The following EML5 variants were observed in gnomAD, a reference collection of about 807,000 sequenced individuals.
EML5 encodes echinoderm microtubule-associated protein-like 5.
EML5 carries 120 observed loss-of-function variants against 250.0 expected under a neutral mutation model. The observed-to-expected ratio is 0.48, with a 90% CI of 0.41 to 0.56. The LOEUF (loss-of-function observed/expected upper bound fraction) is 0.56. EML5 is among the 20% of genes least tolerant of loss of function. The pLI is 0.00. For missense variants in EML5, 2,006 were observed against 2,437.6 expected, an observed-to-expected ratio of 0.82 and a Z score of 3.73; for synonymous variants, 771 against 806.5, an observed-to-expected ratio of 0.96 and a Z score of 0.75.
At chr14:88,756,068 AAG>A (rs1359532516) in intron 1 of EML5, among the ~76,000 whole-genome samples, 1 of 152,072 alleles carries the variant, frequency 6.6e-6, no homozygotes, top group Non-Finnish European at 1.5e-5. Context: ...GGACAAGGGG[AAG>A]AGAGGGGTCT....
chr14:88,776,607 A>G (rs1236072997), intron 1 of EML5, among the ~76,000 whole-genome samples: 1 of 152,052 alleles, frequency 6.6e-6, no homozygotes, highest in Non-Finnish European at 1.5e-5. Flanking sequence ...TGGGTCGGGC[A>G]TGGTGGCTCA....
chr14:88,691,574 AC>A (rs1452808861), intron 17 of EML5, among the ~76,000 whole-genome samples: 1 of 152,136 alleles, frequency 6.6e-6, no homozygotes, highest in East Asian at 1.9e-4. Flanking sequence ...CTCTGTCCCT[AC>A]CATGAATAGA....
At chr14:88,758,142 C>A (rs1332067722) in intron 1 of EML5, among the ~76,000 whole-genome samples, 6 of 151,506 alleles carry the variant, frequency 4.0e-5, no homozygotes. Flanking sequence ...CAGGCATGAG[C>A]CACTGCTCCC....
chr14:88,788,857 G>A (rs2094576744), intron 1 of EML5, among the ~76,000 whole-genome samples: 1 of 149,444 alleles, frequency 6.7e-6, no homozygotes, highest in African/African-American at 2.5e-5. Flanking sequence ...CAGGAGTCCA[G>A]CACACCAGCC....
chr14:88,613,841 CAT>C lies in EML5; in HGVS notation c.*1975_*1976del, dbSNP rs747392137. 1.3e-5 allele frequency: 2 copies of C among 152,146 alleles called. No individual in the cohort carries two copies. The highest frequency in any genetic ancestry group is 2.9e-5 in the Non-Finnish European group (2 of 68,026). The allele number at this position is 152,146 out of a possible 1,614,324, so 9.4% of individuals were successfully genotyped here. ...TAATTATCTGGGTTAAAAAAGTAAACATAGGGCAGATTCTATATGGCCTATCA... is the reference window on the plus strand; with the variant it reads ...TAATTATCTGGGTTAAAAAAGTAAACAGGGCAGATTCTATATGGCCTATCA... On this transcript the variant is annotated 3_prime_UTR_variant, in exon 44 of 44. Transcript: ENST00000554922.
At chr14:88,790,781 G>A (rs1013890306) in intron 1 of EML5, among the ~76,000 whole-genome samples, 13 of 152,138 alleles carry the variant, frequency 8.5e-5, no homozygotes, top group Non-Finnish European at 1.6e-4. Flanking sequence ...TAGGGAAAAA[G>A]ACAAGACACT....
intron 1 of EML5, among the ~76,000 whole-genome samples, chr14:88,785,521 C>T (rs534424457): frequency 9.9e-5 from 15 of 152,258 alleles, no homozygotes; most frequent in Admixed American, 6.5e-4. Context: ...GTTGATCTTT[C>T]CTTCTGTCCA....
intron 7 of EML5, among the ~76,000 whole-genome samples, chr14:88,728,190 C>T (rs146813406): frequency 8.1e-6 from 1 of 123,132 alleles, no homozygotes; most frequent in African/African-American, 3.6e-5. Flanking sequence ...CTGTACTGAA[C>T]ATGTACAGAC....
chr14:88,670,683 A>G (rs764068026), intron 21 of EML5, among the ~76,000 whole-genome samples: 6 of 152,216 alleles, frequency 3.9e-5, no homozygotes, highest in Non-Finnish European at 7.3e-5. Flanking sequence ...AAAACATTAC[A>G]GGAGCTGTTA....
At chr14:88,762,007 T>A (rs994964142) in intron 1 of EML5, among the ~76,000 whole-genome samples, 1 of 152,214 alleles carries the variant, frequency 6.6e-6, no homozygotes, top group Non-Finnish European at 1.5e-5. Flanking sequence ...AAGTGTCAGT[T>A]CATATCCTTA....
In EML5 at chr14:88,658,946, T is replaced by C. The variant is rs543479426; in HGVS notation, c.3676-558A>G. On this transcript the variant is annotated intron_variant, in intron 25 of 43. Coordinates refer to ENST00000554922, the MANE Select transcript of EML5 (RefSeq NM_183387.3). ...TATGTTAACAAAAAGTAACTATCGA[T>C]TGATTGCTTTGGTACACATATATTT... Among the ~76,000 whole-genome samples, 9 of 152,314 alleles carry C rather than the reference T, an allele frequency of 5.9e-5. No individual in the cohort carries two copies. In the East Asian group the frequency reaches 9.6e-4, roughly 16 times the overall value.
intron 17 of EML5, among the ~76,000 whole-genome samples, chr14:88,694,096 T>C (rs1038544970): frequency 2.0e-5 from 3 of 152,052 alleles, no homozygotes; most frequent in Non-Finnish European, 4.4e-5. Flanking sequence ...TATATTACCA[T>C]AGACCATTTG....
chr14:88,656,836 T>G (rs1014264623), intron 27 of EML5, among the ~76,000 whole-genome samples: 6 of 152,200 alleles, frequency 3.9e-5, no homozygotes, highest in African/African-American at 1.4e-4. Flanking sequence ...TAAAAAGTAC[T>G]CGGTATTGGA....
chr14:88,745,628 AC>A (rs1050434511), intron 3 of EML5, among the ~76,000 whole-genome samples: 17 of 152,190 alleles, frequency 1.1e-4, no homozygotes, highest in African/African-American at 4.1e-4. Context: ...ACCAAACTAA[AC>A]AGACCCTAGG....
intron 10 of EML5, among the ~76,000 whole-genome samples, chr14:88,712,055 C>T (rs1025286504): frequency 2.0e-5 from 3 of 151,860 alleles, no homozygotes; most frequent in African/African-American, 7.3e-5. Context: ...GCATTCATAA[C>T]AACATATGAA....
chr14:88,740,644 T>C (rs1476898151), intron 4 of EML5, 72 bp from the exon 5 acceptor site: 9 of 1,339,902 alleles, frequency 6.7e-6, no homozygotes, highest in Non-Finnish European at 3.1e-6. Context: ...CCCAATACTT[T>C]GATGCTATAT....
intron 1 of EML5, among the ~76,000 whole-genome samples, chr14:88,784,494 G>T (rs1420173178): frequency 6.6e-6 from 1 of 151,448 alleles, no homozygotes; most frequent in Non-Finnish European, 1.5e-5. Flanking sequence ...GATCATTAGT[G>T]GCTTCTATGA....
chr14:88,648,690 A>C (rs117420114), intron 28 of EML5, among the ~76,000 whole-genome samples: 1 of 151,660 alleles, frequency 6.6e-6, no homozygotes, highest in African/African-American at 2.4e-5. Flanking sequence ...TGGCCTCCCA[A>C]CCTCCCTTCC....
At chr14:88,673,713 A>C (rs2092526512) in intron 21 of EML5, among the ~76,000 whole-genome samples, 1 of 152,238 alleles carries the variant, frequency 6.6e-6, no homozygotes, top group Non-Finnish European at 1.5e-5. Context: ...CAAAAATTAC[A>C]AGCATTCCTA....
Sources: allele counts gnomAD v4.1 joint callset (sites outside exome capture counted in the v4.1 genomes callset), GRCh38; gene constraint gnomAD v4.1.1; transcripts MANE v1.5; gene names NCBI Gene and HGNC (gene_info 2026-07-23, HGNC 2026-07-21).